Variants in ZNF704 observed in about 807,000 individuals in gnomAD.
The protein encoded by ZNF704 is glucocorticoid induced gene 1.
Under a neutral mutation model 44.7 loss-of-function variants are expected in ZNF704, and 10 were observed. The ratio of observed to expected loss-of-function variants is 0.22; its 90% CI spans 0.14 to 0.38. The LOEUF (loss-of-function observed/expected upper bound fraction) is 0.38. Among genes scored for constraint, ZNF704 ranks in the 10% least tolerant of loss-of-function variants. ZNF704 has a pLI of 1.00. For missense variants in ZNF704, 390 were observed against 545.5 expected (o/e 0.71, Z 2.84); for synonymous variants, 211 against 207.6 (o/e 1.02, Z -0.14).
intron 2 of ZNF704, among the ~76,000 whole-genome samples, chr8:80,771,454 T>C (rs1299791783): frequency 6.6e-6 from 1 of 152,168 alleles, no homozygotes; most frequent in Non-Finnish European, 1.5e-5. Context: ...ATTTTTTCTT[T>C]GAGAAATTTT....
chr8:80,695,435 T>C (rs975726626), intron 2 of ZNF704, among the ~76,000 whole-genome samples: 17 of 152,334 alleles, frequency 1.1e-4, no homozygotes, highest in African/African-American at 4.1e-4. Flanking sequence ...AGAACCAGGA[T>C]AGGAGGCCCG....
intron 1 of ZNF704, among the ~76,000 whole-genome samples, chr8:80,868,976 T>C (rs1010961045): frequency 6.6e-6 from 1 of 152,212 alleles, no homozygotes; most frequent in African/African-American, 2.4e-5. Context: ...GGCAACGTAG[T>C]GTAATGCATG....
At chr8:80,753,447 A>G (rs1806982020) in intron 2 of ZNF704, among the ~76,000 whole-genome samples, 1 of 151,444 alleles carries the variant, frequency 6.6e-6, no homozygotes, top group African/African-American at 2.4e-5. Context: ...TGCCACTTGG[A>G]CAAAAAAAAA....
At chr8:80,651,178 G>C (rs1250867680) in intron 7 of ZNF704, among the ~76,000 whole-genome samples, 1 of 152,176 alleles carries the variant, frequency 6.6e-6, no homozygotes, top group South Asian at 2.1e-4. Context: ...GCTAAACATG[G>C]AAAGGAACAA....
intron 1 of ZNF704, among the ~76,000 whole-genome samples, chr8:80,859,610 C>T (rs1316216962): frequency 1.3e-5 from 2 of 152,152 alleles, no homozygotes; most frequent in South Asian, 2.1e-4. Context: ...TTTCTTAATA[C>T]AAATATTTTG....
intron 4 of ZNF704, among the ~76,000 whole-genome samples, chr8:80,676,754 G>T (rs1055080524): frequency 6.6e-6 from 1 of 152,216 alleles, no homozygotes; most frequent in Non-Finnish European, 1.5e-5. Context: ...GGGAGAGGAT[G>T]GCACAGGTCG....
intron 4 of ZNF704, among the ~76,000 whole-genome samples, chr8:80,680,869 G>A (rs892444044): frequency 3.3e-5 from 5 of 152,244 alleles, no homozygotes; most frequent in South Asian, 4.2e-4. Context: ...TACCAAGCAC[G>A]GATGAAACAC....
chr8:80,872,969 A>T (rs966983129), intron 1 of ZNF704, among the ~76,000 whole-genome samples: 18 of 152,162 alleles, frequency 1.2e-4, no homozygotes, highest in African/African-American at 3.6e-4. Context: ...ATGCATGTGG[A>T]AACCAAGGGC....
upstream of ZNF704, among the ~76,000 whole-genome samples, chr8:80,876,173 A>G (rs1468014004): frequency 6.6e-6 from 1 of 152,146 alleles, no homozygotes; most frequent in African/African-American, 2.4e-5. Context: ...TGCCACCACC[A>G]GATTTATGTT....
At chr8:80,677,440 TG>T (rs1818386851) in intron 4 of ZNF704, among the ~76,000 whole-genome samples, 1 of 152,230 alleles carries the variant, frequency 6.6e-6, no homozygotes, top group South Asian at 2.1e-4. Flanking sequence ...TGATACATTT[TG>T]GAGGCATCAA....
intron 6 of ZNF704, among the ~76,000 whole-genome samples, chr8:80,660,591 A>G (rs188921353): frequency 6.6e-6 from 1 of 152,300 alleles, no homozygotes; most frequent in East Asian, 1.9e-4. Context: ...AAAAACAGAC[A>G]CATATACCAA....
At chr8:80,816,097 C>G (rs1444459751) in intron 2 of ZNF704, among the ~76,000 whole-genome samples, 1 of 152,218 alleles carries the variant, frequency 6.6e-6, no homozygotes, top group Non-Finnish European at 1.5e-5. Context: ...AAGGTCTGGT[C>G]TGTACACTTC....
rs536990821 is a variant in ZNF704 at position 80,754,107 on chromosome 8, T to C, written c.222-61000A>G. Among the ~76,000 whole-genome samples the C allele has an allele frequency of 6.6e-5, 10 of 152,278 alleles. No individual in the cohort carries two copies. The South Asian group carries it at 2.1e-3, about 32-fold the overall frequency. On this transcript the variant is annotated intron_variant, in intron 2 of 8. Transcript: ENST00000327835. ...CGTCTCTCCTGTCTACTCCCAAACC[T>C]AAAGGGCCTTTCCTGACTTTCTTCT...
intron 2 of ZNF704, among the ~76,000 whole-genome samples, chr8:80,805,850 G>A (rs1807980892): frequency 6.6e-6 from 1 of 152,132 alleles, no homozygotes; most frequent in African/African-American, 2.4e-5. Flanking sequence ...CTTGGCTCCT[G>A]TACGTCTGCA....
chr8:80,725,909 T>C (rs546523343), intron 2 of ZNF704, among the ~76,000 whole-genome samples: 8 of 152,278 alleles, frequency 5.3e-5, no homozygotes, highest in African/African-American at 1.9e-4. Flanking sequence ...AAGGAAATAG[T>C]GAACATTAAA....
chr8:80,775,261 C>A (rs576964401), intron 2 of ZNF704, among the ~76,000 whole-genome samples: 1 of 152,134 alleles, frequency 6.6e-6, no homozygotes, highest in Non-Finnish European at 1.5e-5. Flanking sequence ...AAGGAATTTG[C>A]GGATAAGGCC....
At chr8:80,745,940 T>C (rs1275409687) in intron 2 of ZNF704, among the ~76,000 whole-genome samples, 4 of 152,210 alleles carry the variant, frequency 2.6e-5, no homozygotes, top group Admixed American at 2.6e-4. Context: ...TGATTAAATA[T>C]ATTTCTGTCA....
intron 1 of ZNF704, among the ~76,000 whole-genome samples, chr8:80,862,605 A>AAAAAAAAG (rs1809085284): frequency 6.6e-6 from 1 of 150,638 alleles, no homozygotes; most frequent in African/African-American, 2.4e-5. Flanking sequence ...ACCAAAAAAA[A>AAAAAAAAG]AAAAAAAAAA....
intron 1 of ZNF704, among the ~76,000 whole-genome samples, chr8:80,826,190 CAAA>C (rs1563567534): frequency 6.6e-6 from 1 of 151,736 alleles, no homozygotes; most frequent in African/African-American, 2.4e-5. Context: ...GCAAGACTAA[CAAA>C]GAAGAAAAGA....
Sources: allele counts gnomAD v4.1 joint callset (sites outside exome capture counted in the v4.1 genomes callset), GRCh38; gene constraint gnomAD v4.1.1; transcripts MANE v1.5; gene names NCBI Gene and HGNC (gene_info 2026-07-23, HGNC 2026-07-21).